The following CEP112 variants were observed in gnomAD, a reference collection of about 807,000 sequenced individuals.
CEP112 encodes centrosomal protein 112.
In CEP112, 127 loss-of-function variants were observed where a neutral mutation model predicts 153.0. That is an observed-to-expected ratio of 0.83 (90% CI 0.72 to 0.96). The LOEUF (loss-of-function observed/expected upper bound fraction) is 0.96. Ranked by LOEUF, CEP112 falls within the 40% of genes least tolerant of loss-of-function variation. CEP112 has a pLI of 0.00. For missense variants in CEP112, 1,089 were observed against 1,101.2 expected (o/e 0.99, Z 0.16); for synonymous variants, 358 against 374.4 (o/e 0.96, Z 0.51).
chr17:65,902,151 C>A lies in CEP112; in HGVS notation c.2163+1G>T. 2 of 1,606,612 alleles carry A rather than the reference C, an allele frequency of 1.2e-6. No individual in the cohort carries two copies. The highest frequency in any genetic ancestry group is 1.7e-6 in the Non-Finnish European group (2 of 1,174,098). On this transcript the variant is annotated splice_donor_variant, in intron 20 of 26. Transcript: ENST00000535342. LOFTEE classifies it high-confidence loss of function. Reference sequence around the variant, plus strand: ...TTTTATCAAATATTATTGATAATTACCTGTGCATCTCGTTTCTTGAACTCC... The same window carrying A: ...TTTTATCAAATATTATTGATAATTAACTGTGCATCTCGTTTCTTGAACTCC...
intron 18 of CEP112, among the ~76,000 whole-genome samples, chr17:65,945,806 C>T (rs890481984): frequency 6.6e-6 from 1 of 152,112 alleles, no homozygotes; most frequent in South Asian, 2.1e-4. Context: ...GCCATCATAC[C>T]CGGCTAATTT....
At chr17:66,056,124 A>C (rs2066675579) in intron 11 of CEP112, among the ~76,000 whole-genome samples, 1 of 152,206 alleles carries the variant, frequency 6.6e-6, no homozygotes, top group East Asian at 1.9e-4. Context: ...GATCCATAGG[A>C]ATTCTCAAGA....
intron 21 of CEP112, among the ~76,000 whole-genome samples, chr17:65,839,952 T>C (rs2057456863): frequency 2.0e-5 from 3 of 151,864 alleles, no homozygotes; most frequent in African/African-American, 7.3e-5. Flanking sequence ...GGAATAAATT[T>C]AACCAAAAGT....
At chr17:66,054,144 T>C (rs546827697) in intron 11 of CEP112, among the ~76,000 whole-genome samples, 1 of 152,304 alleles carries the variant, frequency 6.6e-6, no homozygotes, top group East Asian at 1.9e-4. Flanking sequence ...CTGCCTCAGG[T>C]AGAAATGGTA....
intron 18 of CEP112, among the ~76,000 whole-genome samples, chr17:65,961,028 C>A (rs1391810404): frequency 6.6e-6 from 1 of 151,724 alleles, no homozygotes; most frequent in Non-Finnish European, 1.5e-5. Flanking sequence ...AAAAACTACC[C>A]ATCTTATATA....
intron 24 of CEP112, among the ~76,000 whole-genome samples, chr17:65,678,715 A>G (rs2047357814): frequency 6.6e-6 from 1 of 152,168 alleles, no homozygotes. Context: ...TCAACAATGT[A>G]GAAAATGCTT....
chr17:65,728,269 A>G (rs2050295767), intron 23 of CEP112, among the ~76,000 whole-genome samples: 1 of 152,208 alleles, frequency 6.6e-6, no homozygotes, highest in African/African-American at 2.4e-5. Context: ...AGAAGTAGAA[A>G]AACACTGTGG....
chr17:66,114,511 A>G (rs753243083), intron 6 of CEP112, among the ~76,000 whole-genome samples: 1 of 152,190 alleles, frequency 6.6e-6, no homozygotes, highest in Non-Finnish European at 1.5e-5. Flanking sequence ...CAACTAAAAT[A>G]AATGTTTTTA....
chr17:65,913,675 A>G, intron 19 of CEP112: 2 of 985,412 alleles, frequency 2.0e-6, no homozygotes, highest in Non-Finnish European at 2.4e-6. Context: ...AGATGGTACC[A>G]GGGCCTGCCA....
rs979479502 is a variant in CEP112, at chr17:65,867,936, A to G, written c.2164-15902T>C. Among the ~76,000 whole-genome samples the G allele has an allele frequency of 2.8e-3, 432 of 151,694 alleles. 1 individual carries two copies. Among genetic ancestry groups the G allele is most frequent in the African/African-American group, 0.01 (415 of 41,394 alleles). Reference sequence around the variant, plus strand: ...TGGCTATTTTTTCAAATAATGTTGAAGGGGAAAAAAAACCCTGATGACTAG... The same window carrying G: ...TGGCTATTTTTTCAAATAATGTTGAGGGGGAAAAAAAACCCTGATGACTAG... On this transcript the variant is annotated intron_variant, in intron 20 of 26. Transcript: ENST00000535342.
chr17:65,785,236 G>C (rs940440210), intron 21 of CEP112, among the ~76,000 whole-genome samples: 1 of 152,100 alleles, frequency 6.6e-6, no homozygotes, highest in African/African-American at 2.4e-5. Flanking sequence ...AAACATTTGA[G>C]TTTTTTCCAC....
intron 6 of CEP112, among the ~76,000 whole-genome samples, chr17:66,118,922 T>C (rs1400482628): frequency 5.9e-5 from 9 of 152,000 alleles, no homozygotes; most frequent in Non-Finnish European, 8.8e-5. Context: ...TTATTCACAA[T>C]AGCAAAGACA....
At chr17:65,817,278 A>G (rs2056322050) in intron 21 of CEP112, among the ~76,000 whole-genome samples, 1 of 151,936 alleles carries the variant, frequency 6.6e-6, no homozygotes, top group Non-Finnish European at 1.5e-5. Flanking sequence ...TTCTTCATTT[A>G]ATTTGGTGGT....
intron 21 of CEP112, among the ~76,000 whole-genome samples, chr17:65,785,885 A>T (rs557657109): frequency 1.4e-3 from 207 of 152,064 alleles, no homozygotes; most frequent in African/African-American, 4.5e-3. Flanking sequence ...TTGCATATGG[A>T]TATCTAGTTG....
At chr17:65,943,621 T>C (rs2061566042) in intron 18 of CEP112, among the ~76,000 whole-genome samples, 1 of 152,162 alleles carries the variant, frequency 6.6e-6, no homozygotes, top group Non-Finnish European at 1.5e-5. Context: ...ACCTGGCCTT[T>C]CTCTCAGGCT....
chr17:66,094,977 A>G (rs922334622), intron 8 of CEP112, among the ~76,000 whole-genome samples: 6 of 152,198 alleles, frequency 3.9e-5, no homozygotes, highest in Non-Finnish European at 8.8e-5. Flanking sequence ...TAGAACGGCT[A>G]TCAACAAAAA....
At chr17:65,652,721 A>G (rs2045848890) in intron 24 of CEP112, among the ~76,000 whole-genome samples, 1 of 152,238 alleles carries the variant, frequency 6.6e-6, no homozygotes, top group Non-Finnish European at 1.5e-5. Context: ...AATCAATTTT[A>G]AATGAATTTA....
chr17:65,878,886 T>C (rs11654066), intron 20 of CEP112, among the ~76,000 whole-genome samples: 45,893 of 151,692 alleles, frequency 0.3, 8,591 homozygotes, highest in Middle Eastern at 0.45. Flanking sequence ...GCTTCTAGTA[T>C]GGCTTCTACA....
At chr17:65,762,153 G>A (rs1301855182) in intron 21 of CEP112, among the ~76,000 whole-genome samples, 2 of 151,912 alleles carry the variant, frequency 1.3e-5, no homozygotes, top group African/African-American at 4.8e-5. Context: ...ATGTCTTCCT[G>A]GATAATTAAA....
Sources: allele counts gnomAD v4.1 joint callset (sites outside exome capture counted in the v4.1 genomes callset), GRCh38; gene constraint gnomAD v4.1.1; transcripts MANE v1.5; gene names NCBI Gene and HGNC (gene_info 2026-07-23, HGNC 2026-07-21).